Variants in GMPR2 observed in about 807,000 individuals in gnomAD.
GMPR2 encodes the protein GMP reductase 2.
A neutral mutation model predicts 38.5 loss-of-function variants in GMPR2; 32 were observed. That is an observed-to-expected ratio of 0.83 (90% CI 0.63 to 1.12). The LOEUF (loss-of-function observed/expected upper bound fraction) is 1.12. GMPR2 is among the 50% of genes most tolerant of loss of function. The pLI is 0.00. For synonymous variants in GMPR2, 154 were observed against 151.0 expected (o/e 1.02, Z -0.15); for missense variants, 396 against 432.1 (o/e 0.92, Z 0.74).
At position 24,237,571 on chromosome 14, in the gene GMPR2, C is replaced by G; in HGVS notation, c.697+9C>G. On this transcript the variant is annotated intron_variant, in intron 8 of 9. Transcript: ENST00000399440. ...TGTGGCCAAGGCTTTTGGTAAGGAG[C>G]TTGAGGGCACAGAAGGATGATTCTA... 2 of 1,612,320 alleles carry G rather than the reference C, an allele frequency of 1.2e-6. No individual in the cohort carries two copies. Among genetic ancestry groups the G allele is most frequent in the Non-Finnish European group, 1.7e-6 (2 of 1,178,398 alleles).
rs1389560674 is a variant in GMPR2 at position 24,239,242 on chromosome 14, A to G, written c.*464A>G. 2.8e-6 allele frequency: 1 copy of G among 361,354 alleles called. No individual in the cohort carries two copies. Among genetic ancestry groups the G allele is most frequent in the Non-Finnish European group, 5.4e-6 (1 of 186,268 alleles). 22.4% of individuals were successfully genotyped at this position (361,354 alleles called of 1,614,324 possible). A position where few individuals can be genotyped will look rare whatever the true frequency, so the allele number is the denominator to read the frequency against. ...TAAAGAGAGAGCTCATTGACTGTAAAGAGATGCTGGGGCTTTCTGTACAAG... is the reference window on the plus strand; with the variant it reads ...TAAAGAGAGAGCTCATTGACTGTAAGGAGATGCTGGGGCTTTCTGTACAAG... On this transcript the variant is annotated 3_prime_UTR_variant, in exon 10 of 10. Coordinates refer to ENST00000399440, the MANE Select transcript of GMPR2 (RefSeq NM_001002002.3).
At chr14:24,233,986 A>G (rs1347004272) in intron 3 of GMPR2, 2 of 722,366 alleles carry the variant, frequency 2.8e-6, no homozygotes, top group Non-Finnish European at 2.1e-6. Context: ...CAGTTTAAGC[A>G]TTCAAAAATC....
At chr14:24,235,575 GAGA>G in intron 3 of GMPR2, 159 bp from the exon 4 acceptor site, 2 of 635,718 alleles carry the variant, frequency 3.1e-6, no homozygotes, top group South Asian at 3.7e-5. Flanking sequence ...TATTTGTAGA[GAGA>G]AGAAAGGTTG....
Position 24,233,154 on chromosome 14 carries a change from C to T in GMPR2, c.-35-65C>T, listed in dbSNP as rs1466797931. 1.9e-6 allele frequency: 3 copies of T among 1,607,750 alleles called. No homozygotes were observed. The East Asian group carries it at 6.7e-5, about 36-fold the overall frequency. ...TTCCACAACTTAAGCGAAGAGAGGC[C>T]ACCAGCCGTAACAGGGCGTTAAAGC... On this transcript the variant is annotated intron_variant, in intron 1 of 9. Coordinates refer to ENST00000399440, the MANE Select transcript of GMPR2 (RefSeq NM_001002002.3).
intron 3 of GMPR2, among the ~76,000 whole-genome samples, chr14:24,235,051 C>T (rs2040271778): frequency 6.6e-6 from 1 of 152,192 alleles, no homozygotes; most frequent in African/African-American, 2.4e-5. Context: ...GAATGCCTTC[C>T]TCAAAGTATT....
intron 5 of GMPR2, 116 bp downstream of exon 5, chr14:24,236,256 A>G (rs1291915165): frequency 8.0e-6 from 6 of 753,278 alleles, no homozygotes; most frequent in African/African-American, 1.7e-5. Flanking sequence ...TCATTTAATC[A>G]TGATACTGGA....
At chr14:24,236,736 C>T (rs190700932) in intron 5 of GMPR2, among the ~76,000 whole-genome samples, 161 of 152,292 alleles carry the variant, frequency 1.1e-3, no homozygotes, top group Middle Eastern at 3.4e-3. Flanking sequence ...GTTCCCTTTG[C>T]CTCACTGAAT....
At chr14:24,237,193 T>C in intron 6 of GMPR2, 41 bp downstream of exon 6, 3 of 1,545,038 alleles carry the variant, frequency 1.9e-6, no homozygotes, top group Non-Finnish European at 1.8e-6. Flanking sequence ...CCCCCTTCAG[T>C]GGCAAACACC....
rs772913599 is a variant in GMPR2, at chr14:24,235,683, A to G, written c.208-54A>G. The G allele has an allele frequency of 4.9e-4, 578 of 1,188,926 alleles. 3 individuals carry two copies. Among genetic ancestry groups the G allele is most frequent in the Middle Eastern group, 5.7e-4 (3 of 5,294 alleles). The allele number at this position is 1,188,926 out of a possible 1,614,324, so 73.6% of individuals were successfully genotyped here. A position where few individuals can be genotyped will look rare whatever the true frequency, so the allele number is the denominator to read the frequency against. On this transcript the variant is annotated intron_variant, in intron 3 of 9. Coordinates refer to ENST00000399440, the MANE Select transcript of GMPR2 (RefSeq NM_001002002.3). ...AGATAGAATAGGTCTGTTTCTAGAA[A>G]AGAGACCTTAATAAAGTTTTCTCCC...
intron 6 of GMPR2, 21 bp from the exon 7 acceptor site, chr14:24,237,224 C>G: frequency 6.4e-7 from 1 of 1,571,156 alleles, no homozygotes; most frequent in Non-Finnish European, 8.8e-7. Context: ...GTCATTCTTA[C>G]CCTTATCATG....
At position 24,237,410 on chromosome 14, in the gene GMPR2, A is replaced by G. The variant is rs925050829; in HGVS notation, c.654+59A>G. 7 of 1,474,134 alleles carry G rather than the reference A, an allele frequency of 4.7e-6. No homozygotes were observed. In the African/African-American group the frequency reaches 9.7e-5, roughly 20 times the overall value. The allele number at this position is 1,474,134 out of a possible 1,614,324, so 91.3% of individuals were successfully genotyped here. A position where few individuals can be genotyped will look rare whatever the true frequency, so the allele number is the denominator to read the frequency against. On this transcript the variant is annotated intron_variant, in intron 7 of 9. Transcript: ENST00000399440. Reference sequence around the variant, plus strand: ...GGTTTCTGCAGGGTATGGAGGTGGCAGAGATGGATTAGAATTCCTGGGTTC... The same window carrying G: ...GGTTTCTGCAGGGTATGGAGGTGGCGGAGATGGATTAGAATTCCTGGGTTC...
In GMPR2 at chr14:24,238,841, C is replaced by T; in HGVS notation, c.*63C>T. The T allele has an allele frequency of 1.5e-6, 2 of 1,356,216 alleles. No homozygotes were observed. Among genetic ancestry groups the T allele is most frequent in the Non-Finnish European group, 2.1e-6 (2 of 957,952 alleles). 84.0% of individuals were successfully genotyped at this position (1,356,216 alleles called of 1,614,324 possible). On this transcript the variant is annotated 3_prime_UTR_variant, in exon 10 of 10. Transcript: ENST00000399440. ...TACCATGGGGCATCCCAAGTGGGGT[C>T]CTCACCCATCCCAGCTACTGCAGCT...
In GMPR2 at chr14:24,235,828, T is replaced by A; in HGVS notation, c.291+8T>A. 1 of 1,608,918 alleles carries A rather than the reference T, an allele frequency of 6.2e-7. No homozygotes were observed. The highest frequency in any genetic ancestry group is 1.1e-5 in the South Asian group (1 of 90,992). On this transcript the variant is annotated splice_region_variant and intron_variant, in intron 4 of 9. Coordinates refer to ENST00000399440, the MANE Select transcript of GMPR2 (RefSeq NM_001002002.3). ...AATCCTGACTGTCTTGAGGTAACAC[T>A]GGGCATACCCTGCTCCCTTCCTTAT...
In GMPR2 at chr14:24,237,064, G is replaced by A; in HGVS notation, c.466-7G>A. The stretch of plus-strand genomic sequence containing the variant: ...AAGGATGCTGTATTTCAATTGCTCT[G>A]TCTCAGGCAGGGAATGTGGTAACAG... On this transcript the variant is annotated splice_region_variant and splice_polypyrimidine_tract_variant and intron_variant, in intron 5 of 9. Coordinates refer to ENST00000399440, the MANE Select transcript of GMPR2 (RefSeq NM_001002002.3). 6.2e-7 allele frequency: 1 copy of A among 1,607,880 alleles called. No homozygotes were observed. The highest frequency in any genetic ancestry group is 8.5e-7 in the Non-Finnish European group (1 of 1,174,354).
At chr14:24,238,454 A>C in intron 9 of GMPR2, 49 bp downstream of exon 9, 1 of 1,614,096 alleles carries the variant, frequency 6.2e-7, no homozygotes, top group Admixed American at 1.7e-5. Flanking sequence ...GGCAGAACTC[A>C]TGGCTGCTGA....
intron 5 of GMPR2, among the ~76,000 whole-genome samples, chr14:24,236,598 A>G (rs1454196582): frequency 6.6e-6 from 1 of 152,226 alleles, no homozygotes; most frequent in Non-Finnish European, 1.5e-5. Context: ...CTATACTACC[A>G]TGCCTTCTCC....
chr14:24,235,648 G>A, intron 3 of GMPR2, 89 bp from the exon 4 acceptor site: 1 of 888,898 alleles, frequency 1.1e-6, no homozygotes, highest in South Asian at 1.4e-5. Flanking sequence ...CTTCAATCAT[G>A]TCCTCCCTCA....
Position 24,238,402 on chromosome 14 carries a change from A to G in GMPR2, c.854A>G (p.Tyr285Cys), listed in dbSNP as rs202155508. 1.2e-6 allele frequency: 2 copies of G among 1,614,048 alleles called. No homozygotes were observed. The highest frequency in any genetic ancestry group is 1.7e-6 in the Non-Finnish European group (2 of 1,180,016). ...AAGTATGCTGGGGGCGTGGCTGAGT[A>G]CAGGTATGTGTGGAGGCCCAGGAGC... ...MKKYAGGVAE[Y>C]RASEGKTVEV... is the part of the protein sequence containing the mutation. Residue 285 changes from tyrosine to cysteine, a missense_variant, in exon 9 of 10, where the codon TAC becomes TGC. By Grantham distance (194) the Tyr-to-Cys change is radical. Transcript: ENST00000399440.
chr14:24,234,201 T>G (rs1004141790), intron 3 of GMPR2: 1 of 1,289,576 alleles, frequency 7.8e-7, no homozygotes. Flanking sequence ...ATGCTGCTCC[T>G]GTCAGTACTA....
Sources: gnomAD v4.1 joint callset for allele counts (sites outside exome capture counted in the v4.1 genomes callset) on GRCh38, gnomAD v4.1.1 for gene constraint, MANE v1.5 for transcripts, NCBI Gene and HGNC (gene_info 2026-07-23, HGNC 2026-07-21) for gene names.